Variants in GRIN2A observed in about 807,000 individuals in gnomAD.
The protein encoded by GRIN2A is glutamate receptor ionotropic, NMDA 2A.
In GRIN2A, 22 loss-of-function variants were observed where a neutral mutation model predicts 113.4. The ratio of observed to expected loss-of-function variants is 0.19; its 90% CI spans 0.14 to 0.28. GRIN2A has a LOEUF of 0.28. Ranked by LOEUF, GRIN2A falls within the 10% of genes least tolerant of loss-of-function variation. GRIN2A has a pLI of 1.00. For synonymous variants in GRIN2A, 827 were observed against 738.4 expected (o/e 1.12, Z -1.94); for missense variants, 1,502 against 1,887.0 (o/e 0.80, Z 3.78).
intron 2 of GRIN2A, among the ~76,000 whole-genome samples, chr16:9,993,507 G>A (rs920592847): frequency 1.3e-5 from 2 of 152,258 alleles, no homozygotes; most frequent in African/African-American, 2.4e-5. Flanking sequence ...AGTAAGCTAC[G>A]ATCATGACAC....
At chr16:9,999,858 G>C (rs1389339605) in intron 2 of GRIN2A, among the ~76,000 whole-genome samples, 1 of 152,134 alleles carries the variant, frequency 6.6e-6, no homozygotes, top group African/African-American at 2.4e-5. Context: ...CAACGACTTA[G>C]AATAACACAC....
chr16:9,889,660 T>C (rs1322633666), intron 4 of GRIN2A, among the ~76,000 whole-genome samples: 3 of 152,206 alleles, frequency 2.0e-5, no homozygotes, highest in Non-Finnish European at 2.9e-5. Context: ...TGTGTTTTCA[T>C]TATCATTCTG....
rs1021237120 is a variant in GRIN2A, at chr16:9,754,800, A to C, written c.*8349T>G. On this transcript the variant is annotated 3_prime_UTR_variant, in exon 13 of 13. Coordinates refer to ENST00000330684, the MANE Select transcript of GRIN2A (RefSeq NM_001134407.3). ...TGTTTTTCATGGAAAAAAAAAGACA[A>C]TGTTTTCGTATTTCTGGATCTTCGC... 3 of 221,786 alleles carry C rather than the reference A, an allele frequency of 1.4e-5. No homozygotes were observed. Among genetic ancestry groups the C allele is most frequent in the Admixed American group, 5.7e-5 (1 of 17,396 alleles). The allele number at this position is 221,786 out of a possible 1,614,324, so 13.7% of individuals were successfully genotyped here. A position where few individuals can be genotyped will look rare whatever the true frequency, so the allele number is the denominator to read the frequency against.
intron 2 of GRIN2A, among the ~76,000 whole-genome samples, chr16:9,980,601 T>C (rs1034245280): frequency 7.2e-5 from 11 of 151,936 alleles, no homozygotes; most frequent in African/African-American, 2.2e-4. Context: ...TGTCCAACAA[T>C]GATAGACTAG....
chr16:10,104,960 C>T (rs1237983246), intron 2 of GRIN2A, among the ~76,000 whole-genome samples: 2 of 152,096 alleles, frequency 1.3e-5, no homozygotes, highest in Non-Finnish European at 1.5e-5. Flanking sequence ...CTAAATGTTA[C>T]GAGAGTGCAG....
intron 2 of GRIN2A, among the ~76,000 whole-genome samples, chr16:10,130,548 T>C (rs1433446179): frequency 6.6e-6 from 1 of 152,104 alleles, no homozygotes; most frequent in Non-Finnish European, 1.5e-5. Context: ...CTATTCACTT[T>C]CTCCCCACTG....
chr16:10,120,274 T>C (rs757819401), intron 2 of GRIN2A, among the ~76,000 whole-genome samples: 7 of 152,196 alleles, frequency 4.6e-5, no homozygotes, highest in Admixed American at 6.5e-5. Context: ...GCTACCTGCA[T>C]TTAGTGGGTA....
intron 2 of GRIN2A, among the ~76,000 whole-genome samples, chr16:10,093,616 G>A (rs73512716): frequency 0.023 from 2,984 of 131,440 alleles, 90 homozygotes; most frequent in African/African-American, 0.075. Flanking sequence ...GGGCAACAAA[G>A]TGAAAAAAAA....
intron 2 of GRIN2A, among the ~76,000 whole-genome samples, chr16:10,034,458 G>C (rs981395746): frequency 6.7e-6 from 1 of 150,072 alleles, no homozygotes; most frequent in African/African-American, 2.5e-5. Context: ...CCAGGAGGCG[G>C]AGGTTGCAGT....
chr16:9,856,618 C>T (rs1464335612), intron 4 of GRIN2A, among the ~76,000 whole-genome samples: 1 of 141,752 alleles, frequency 7.1e-6, no homozygotes, highest in Non-Finnish European at 1.5e-5. Context: ...GAGTGAGACT[C>T]CATCTCAAAA....
At chr16:10,002,949 C>A (rs1402903611) in intron 2 of GRIN2A, among the ~76,000 whole-genome samples, 2 of 152,102 alleles carry the variant, frequency 1.3e-5, no homozygotes, top group Admixed American at 6.5e-5. Context: ...TTATTCTTGT[C>A]GAAATTCATC....
intron 2 of GRIN2A, among the ~76,000 whole-genome samples, chr16:10,096,574 T>A (rs980846018): frequency 2.8e-4 from 14 of 49,214 alleles, no homozygotes; most frequent in Non-Finnish European, 6.8e-4. Flanking sequence ...ACACACACAC[T>A]TTACTCTCTT....
chr16:9,922,012 T>C (rs937401374), intron 3 of GRIN2A, among the ~76,000 whole-genome samples: 2 of 152,176 alleles, frequency 1.3e-5, no homozygotes, highest in Admixed American at 6.5e-5. Flanking sequence ...TTGAGGCAAA[T>C]TTTATAAATT....
Position 9,763,862 on chromosome 16 carries a change from A to T in GRIN2A, c.3682T>A (p.Phe1228Ile). The change falls in exon 13 of 13, where the codon TTC (phenylalanine) becomes ATC (isoleucine). Residue 1228 changes from phenylalanine to isoleucine, a missense_variant. Phe to Ile is a conservative substitution (Grantham distance 21). This residue lies in a region of GRIN2A where 832 missense variants were observed against 789.7 expected (regional missense o/e 1.05). Transcript: ENST00000330684. ...LSNMPTYSGHFTMRSPFKCDA... is the reference protein window; with the variant it reads ...LSNMPTYSGHITMRSPFKCDA... ...CACTTGAAGGGGGACCTCATGGTGA[A>T]GTGGCCTGAATAGGTGGGCATGTTG... 1 of 1,614,084 alleles carries T rather than the reference A, an allele frequency of 6.2e-7. No individual in the cohort carries two copies. The highest frequency in any genetic ancestry group is 1.3e-5 in the African/African-American group (1 of 75,014).
chr16:9,833,709 A>G (rs910271076), intron 8 of GRIN2A, among the ~76,000 whole-genome samples: 1 of 152,196 alleles, frequency 6.6e-6, no homozygotes. Flanking sequence ...TGGTACACCA[A>G]CGCAGTATAA....
chr16:9,960,322 A>G (rs1471381243), intron 2 of GRIN2A, among the ~76,000 whole-genome samples: 1 of 152,258 alleles, frequency 6.6e-6, no homozygotes, highest in Non-Finnish European at 1.5e-5. Context: ...ACCTTATTAA[A>G]TAAACAGATA....
chr16:10,180,394 A>G lies in GRIN2A; in HGVS notation c.18T>C (p.Tyr6=). MGRVG[Y]WTLLVLPALL... ...GGGCCGGCAGCACCAGCAGGGTCCA[A>G]TAGCCCACTCTGCCCATAGTCGCCA... Residue 6 remains tyrosine, a synonymous_variant, in exon 2 of 13, where the codon TAT becomes TAC. Coordinates refer to ENST00000330684, the MANE Select transcript of GRIN2A (RefSeq NM_001134407.3). The surrounding 1 kb of genome is among the most constrained non-coding windows in gnomAD (Gnocchi z 7.0). 1 of 1,606,944 alleles carries G rather than the reference A, an allele frequency of 6.2e-7. No individual in the cohort carries two copies.
At chr16:10,098,942 C>CCA (rs1555479439) in intron 2 of GRIN2A, among the ~76,000 whole-genome samples, 2 of 144,526 alleles carry the variant, frequency 1.4e-5, no homozygotes, top group East Asian at 2.1e-4. Context: ...CTCCCCCCCC[C>CCA]AAAAAAAACC....
intron 10 of GRIN2A, among the ~76,000 whole-genome samples, chr16:9,799,830 T>G (rs1305485266): frequency 1.3e-5 from 2 of 152,148 alleles, no homozygotes; most frequent in Non-Finnish European, 2.9e-5. Context: ...GCTTGATGAA[T>G]TTTTACATAT....
Sources: gnomAD v4.1 joint callset for allele counts (sites outside exome capture counted in the v4.1 genomes callset) on GRCh38, gnomAD v4.1.1 for gene constraint, gnomAD v4.1.1 regional missense constraint, Gnocchi (gnomAD v3.1) non-coding constraint, MANE v1.5 for transcripts, NCBI Gene and HGNC (gene_info 2026-07-23, HGNC 2026-07-21) for gene names.